The following KRT7 variants were observed in gnomAD, a reference collection of about 807,000 sequenced individuals.
The protein encoded by KRT7 is keratin 7.
A neutral mutation model predicts 42.8 loss-of-function variants in KRT7; 50 were observed. The ratio of observed to expected loss-of-function variants is 1.17; its 90% CI spans 0.93 to 1.48. The LOEUF (loss-of-function observed/expected upper bound fraction) is 1.48, where lower values mean the gene tolerates loss of function less well. Ranked by LOEUF, KRT7 falls within the 40% of genes most tolerant of loss-of-function variation. The probability of loss-of-function intolerance (pLI) is 0.00; values close to 1 mark genes in which losing one functional copy is unlikely to be tolerated. For synonymous variants in KRT7, 268 were observed against 266.3 expected (o/e 1.01, Z -0.06); for missense variants, 588 against 637.6 (o/e 0.92, Z 0.84).
At chr12:52,252,729 G>T (rs922726427), downstream of KRT7, among the ~76,000 whole-genome samples, 2 of 152,204 alleles carry the variant, frequency 1.3e-5, no homozygotes, top group African/African-American at 2.4e-5. Flanking sequence ...CTGCATTTCT[G>T]CATGGCCTGC....
intron 4 of KRT7, 65 bp downstream of exon 4, chr12:52,238,840 C>A: frequency 1.0e-6 from 1 of 987,804 alleles, no homozygotes; most frequent in South Asian, 1.4e-5. Context: ...GCCATCTGGT[C>A]CAGCCCCCCG....
chr12:52,233,422 C>G lies in KRT7; in HGVS notation c.126C>G (p.Leu42=). ...TTGGCAGCAGCAGCCTCTACGGCCT[C>G]GGCGCCTCACGGCCGCGCGTGGCCG... ...GGLGSSSLYG[L]GASRPRVAVR... Residue 42 remains leucine, a synonymous_variant, in exon 1 of 9, where the codon CTC becomes CTG. Transcript: ENST00000331817. 1.9e-6 allele frequency: 3 copies of G among 1,553,914 alleles called. No homozygotes were observed. In the African/African-American group the frequency reaches 4.3e-5, roughly 22 times the overall value.
At chr12:52,245,708 A>C in intron 7 of KRT7, 76 bp downstream of exon 7, 1 of 1,576,704 alleles carries the variant, frequency 6.3e-7, no homozygotes, top group Non-Finnish European at 8.7e-7. Context: ...ATCCATTTAC[A>C]AGCATTTCCT....
chr12:52,238,724 G>A lies in KRT7; in HGVS notation c.642G>A (p.Lys214=), dbSNP rs867553266. The change falls in exon 4 of 9, where the codon AAG becomes AAA. Residue 214 remains lysine (K), a synonymous_variant. Transcript: ENST00000331817. The stretch of plus-strand genomic sequence containing the variant: ...TGAGCAAGGTGGAGCTGGAGGCCAA[G>A]GTGGATGCCCTGAATGATGAGATCA... ...AYMSKVELEA[K]VDALNDEINF... The A allele has an allele frequency of 6.2e-7, 1 of 1,614,154 alleles. No individual in the cohort carries two copies. The highest frequency in any genetic ancestry group is 8.5e-7 in the Non-Finnish European group (1 of 1,179,980).
chr12:52,255,344 ACT>A (rs1477338237), downstream of KRT7: 2 of 456,716 alleles, frequency 4.4e-6, no homozygotes, highest in Non-Finnish European at 8.8e-6. Flanking sequence ...TTCTGGGGTC[ACT>A]CACCTTCTTC....
chr12:52,243,580 G>A (rs900420925), intron 6 of KRT7: 3 of 156,878 alleles, frequency 1.9e-5, no homozygotes, highest in African/African-American at 7.2e-5. Context: ...CTCTGGCCAT[G>A]CTAACCTGCT....
chr12:52,255,768 C>T (rs542211032), downstream of KRT7, among the ~76,000 whole-genome samples: 1 of 152,194 alleles, frequency 6.6e-6, no homozygotes, highest in African/African-American at 2.4e-5. Flanking sequence ...CTTTCCCACT[C>T]AGAGCCCAAC....
intron 4 of KRT7, among the ~76,000 whole-genome samples, chr12:52,240,591 C>T (rs1669823043): frequency 6.6e-6 from 1 of 151,522 alleles, no homozygotes; most frequent in Non-Finnish European, 1.5e-5. Flanking sequence ...GATTGTGCCA[C>T]TGTACTCCAG....
intron 1 of KRT7, 146 bp from the exon 2 acceptor site, chr12:52,235,009 C>A: frequency 1.4e-6 from 1 of 726,102 alleles, no homozygotes; most frequent in East Asian, 2.7e-5. Context: ...ATTTGGAGTC[C>A]AAAGGGAGAG....
At position 52,248,811 on chromosome 12, in the gene KRT7, G is replaced by A; in HGVS notation, c.*51G>A. The A allele has an allele frequency of 6.8e-7, 1 of 1,468,126 alleles. No individual in the cohort carries two copies. The highest frequency in any genetic ancestry group is 9.0e-7 in the Non-Finnish European group (1 of 1,108,376). 90.9% of individuals were successfully genotyped at this position (1,468,126 alleles called of 1,614,324 possible). On this transcript the variant is annotated 3_prime_UTR_variant, in exon 9 of 9. Transcript: ENST00000331817. ...CAGCCACCACCCACAATCACAAGAA[G>A]ATTCCCACCCCTGCCTCCCATGCCT...
rs1204794314 is a variant in KRT7, at chr12:52,246,474, G to A, written c.1205+842G>A. ...TTCTTTTCTGAGTATTATTCCTAAG[G>A]GGCCAGAGAGAGACATGACGGAGGA... On this transcript the variant is annotated intron_variant, in intron 7 of 8. Coordinates refer to ENST00000331817, the MANE Select transcript of KRT7 (RefSeq NM_005556.4). The A allele has an allele frequency of 5.2e-5, 8 of 152,402 alleles. No individual in the cohort carries two copies. The East Asian group carries it at 1.5e-3, about 29-fold the overall frequency. The allele number at this position is 152,402 out of a possible 1,614,324, so 9.4% of individuals were successfully genotyped here.
At chr12:52,247,597 C>T (rs1235233633) in intron 7 of KRT7, 1 of 153,520 alleles carries the variant, frequency 6.5e-6, no homozygotes, top group African/African-American at 2.4e-5. Context: ...TACTGCAAGA[C>T]CTGTTTCAGC....
intron 2 of KRT7, among the ~76,000 whole-genome samples, chr12:52,235,876 G>A (rs1414936074): frequency 6.6e-6 from 1 of 152,190 alleles, no homozygotes; most frequent in Non-Finnish European, 1.5e-5. Flanking sequence ...GAGCCAACTT[G>A]GGAAGCAAAG....
intron 4 of KRT7, among the ~76,000 whole-genome samples, chr12:52,239,346 CAGGCACTGGCTATTCAAGCAA>C (rs1942053387): frequency 6.6e-6 from 1 of 152,202 alleles, no homozygotes; most frequent in Non-Finnish European, 1.5e-5. Flanking sequence ...GGCTGACAAG[CAGGCACTGGCTATTCAAGCAA>C]AGGGCTAGTA....
intron 7 of KRT7, chr12:52,247,359 C>T (rs1255013820): frequency 6.6e-6 from 1 of 152,222 alleles, no homozygotes; most frequent in Non-Finnish European, 1.5e-5. Context: ...AAGCAAGCCC[C>T]CTGGAAGCTT....
In KRT7 at chr12:52,235,187, G is replaced by A. The variant is rs757890450; in HGVS notation, c.357G>A (p.Leu119=). Residue 119 remains leucine (L), a synonymous_variant, in exon 2 of 9, where the codon CTG becomes CTA. Coordinates refer to ENST00000331817, the MANE Select transcript of KRT7 (RefSeq NM_005556.4). The stretch of plus-strand genomic sequence containing the variant: ...TTCTGGAGCAGCAGAACAAGCTGCT[G>A]GAGACCAAGTGGACGCTGCTGCAGG... ...VRFLEQQNKL[L]ETKWTLLQEQ... The A allele has an allele frequency of 6.2e-7, 1 of 1,614,162 alleles. No individual in the cohort carries two copies. Among genetic ancestry groups the A allele is most frequent in the Admixed American group, 1.7e-5 (1 of 60,034 alleles).
intron 1 of KRT7, among the ~76,000 whole-genome samples, 177 bp from the exon 2 acceptor site, chr12:52,234,978 G>A (rs112187361): frequency 2.6e-5 from 4 of 152,238 alleles, no homozygotes; most frequent in African/African-American, 9.6e-5. Context: ...CTGCTTCCTG[G>A]ATCACTCTGT....
intron 6 of KRT7, chr12:52,243,517 A>T: frequency 5.8e-6 from 1 of 172,858 alleles, no homozygotes; most frequent in Non-Finnish European, 1.2e-5. Flanking sequence ...AATGACTCAC[A>T]TGGCCCTTTC....
At chr12:52,248,339 A>T (rs1942207922) in intron 8 of KRT7, 128 bp downstream of exon 8, 5 of 1,014,662 alleles carry the variant, frequency 4.9e-6, no homozygotes. Context: ...TTCTACAGGG[A>T]TTGACAGGTC....
Sources: gnomAD v4.1 joint callset for allele counts (sites outside exome capture counted in the v4.1 genomes callset) on GRCh38, gnomAD v4.1.1 for gene constraint, MANE v1.5 for transcripts, NCBI Gene and HGNC (gene_info 2026-07-23, HGNC 2026-07-21) for gene names.